TSPO: variants seen among roughly 807,000 people sequenced by gnomAD.
TSPO encodes the protein translocator protein.
In TSPO, 14 loss-of-function variants were observed where a neutral mutation model predicts 13.9. That is an observed-to-expected ratio of 1.01 (90% CI 0.67 to 1.58). The LOEUF is 1.58. Among genes scored for constraint, TSPO ranks in the 40% most tolerant of loss-of-function variants. The probability of loss-of-function intolerance (pLI) is 0.00; values close to 1 mark genes in which losing one functional copy is unlikely to be tolerated. For synonymous variants in TSPO, 114 were observed against 105.9 expected (o/e 1.08, Z -0.47); for missense variants, 232 against 229.6 (o/e 1.01, Z -0.07).
chr22:43,156,915 G>A (rs1343431930), intron 1 of TSPO, among the ~76,000 whole-genome samples: 1 of 152,180 alleles, frequency 6.6e-6, no homozygotes, highest in Non-Finnish European at 1.5e-5. Context: ...GAAAAGGCAC[G>A]TACAGGCACC....
chr22:43,158,201 C>T (rs1025256260), intron 1 of TSPO, among the ~76,000 whole-genome samples: 2 of 152,210 alleles, frequency 1.3e-5, no homozygotes, highest in Admixed American at 1.3e-4. Context: ...TCTCGTGTTC[C>T]CCTGGGACGA....
At chr22:43,154,084 C>T (rs1292144657) in intron 1 of TSPO, among the ~76,000 whole-genome samples, 4 of 152,192 alleles carry the variant, frequency 2.6e-5, no homozygotes, top group African/African-American at 9.7e-5. Flanking sequence ...CCAGGCCACT[C>T]GATGGCCAGG....
At position 43,162,966 on chromosome 22, in the gene TSPO, G is replaced by A. The variant is rs6972; in HGVS notation, c.485G>A (p.Arg162His). ...YCVWRDNHGW[R>H]GGRRLPE ...GTATGGCGGGACAACCATGGCTGGC[G>A]TGGGGGACGGCGGCTGCCAGAGTGA... The change falls in exon 4 of 4, where the codon CGT (arginine) becomes CAT (histidine). Residue 162 changes from arginine to histidine, a missense_variant. Arg to His is a conservative substitution (Grantham distance 29). Coordinates refer to ENST00000337554, the MANE Select transcript of TSPO (RefSeq NM_000714.6). 0.24 allele frequency: 380,744 copies of A among 1,587,552 alleles called. 47,534 individuals are homozygous for A. The highest frequency in any genetic ancestry group is 0.32 in the South Asian group (27,725 of 87,812).
Position 43,160,089 on chromosome 22 carries a change from C to T in TSPO, c.182+669C>T, listed in dbSNP as rs1234678011. Among the ~76,000 whole-genome samples the T allele has an allele frequency of 4.6e-5, 7 of 152,226 alleles. No homozygotes were observed. In the Middle Eastern group the frequency reaches 0.017, roughly 372 times the overall value. ...CGCAGGTGCCAGGCACTCTAGGGGG[C>T]GGATAGCAGAGGCCAGGCCAGGTGC... is the stretch of plus-strand genomic sequence containing the variant. On this transcript the variant is annotated intron_variant, in intron 2 of 3. Coordinates refer to ENST00000337554, the MANE Select transcript of TSPO (RefSeq NM_000714.6).
chr22:43,156,325 G>A (rs978762943), intron 1 of TSPO, among the ~76,000 whole-genome samples: 4 of 152,198 alleles, frequency 2.6e-5, no homozygotes, highest in Admixed American at 6.5e-5. Context: ...GATTTCCTGG[G>A]GACCGAGTGT....
In TSPO at chr22:43,160,724, T is replaced by C. The variant is rs540171463; in HGVS notation, c.183-328T>C. On this transcript the variant is annotated intron_variant, in intron 2 of 3. Transcript: ENST00000337554. ...GGCCCAGGCCAAATGTCCCATCCTC[T>C]ATGCAGTGCCCTGGCTAGGTTAAGA... 2.6e-5 allele frequency among the ~76,000 whole-genome samples: 4 copies of C among 152,344 alleles called. No homozygotes were observed. The East Asian group carries it at 7.7e-4, about 29-fold the overall frequency.
Position 43,162,918 on chromosome 22 carries a change from T to C in TSPO, c.437T>C (p.Phe146Ser). The C allele has an allele frequency of 6.3e-7, 1 of 1,595,200 alleles. No homozygotes were observed. The highest frequency in any genetic ancestry group is 8.5e-7 in the Non-Finnish European group (1 of 1,171,310). Residue 146 changes from phenylalanine to serine, a missense_variant, in exon 4 of 4, where the codon TTC (phenylalanine) becomes TCC (serine). Transcript: ENST00000337554. The stretch of plus-strand genomic sequence containing the variant: ...TACCCCTACCTGGCCTGGCTGGCCT[T>C]CACGACCACACTCAACTACTGCGTA... ...LLYPYLAWLA[F>S]TTTLNYCVWR...
rs1931503439 is a variant in TSPO, at chr22:43,163,020, C to T, written c.*29C>T. 1.3e-6 allele frequency: 2 copies of T among 1,576,044 alleles called. No individual in the cohort carries two copies. The highest frequency in any genetic ancestry group is 2.3e-5 in the East Asian group (1 of 42,694). Reference sequence around the variant, plus strand: ...CCCGGCCCACCAGGGACTGCAGCTGCACCAGCAGGTGCCATCACGCTTGTG... The same window carrying T: ...CCCGGCCCACCAGGGACTGCAGCTGTACCAGCAGGTGCCATCACGCTTGTG... On this transcript the variant is annotated 3_prime_UTR_variant, in exon 4 of 4. Coordinates refer to ENST00000337554, the MANE Select transcript of TSPO (RefSeq NM_000714.6).
chr22:43,154,998 C>T (rs990355413), intron 1 of TSPO, among the ~76,000 whole-genome samples: 7 of 152,034 alleles, frequency 4.6e-5, no homozygotes, highest in South Asian at 4.2e-4. Context: ...CCAATCCTGG[C>T]GCCGCAGGCT....
Position 43,161,196 on chromosome 22 carries a change from T to C in TSPO, c.321+6T>C, listed in dbSNP as rs769743065. On this transcript the variant is annotated splice_donor_region_variant and intron_variant, in intron 3 of 3. Coordinates refer to ENST00000337554, the MANE Select transcript of TSPO (RefSeq NM_000714.6). ...GTGCCCGACAAATGGGCTGGGTAAG[T>C]GTGGCCACAGCATGTGTCCCTGATC... The C allele has an allele frequency of 7.5e-6, 12 of 1,610,668 alleles. No homozygotes were observed. The highest frequency in any genetic ancestry group is 1.0e-5 in the Non-Finnish European group (12 of 1,177,888).
At chr22:43,159,610 T>TG in intron 2 of TSPO, 190 bp downstream of exon 2, 1 of 544,260 alleles carries the variant, frequency 1.8e-6, no homozygotes, top group Non-Finnish European at 3.0e-6. Flanking sequence ...CCTGGGCCCC[T>TG]GGGGGGATGG....
intron 3 of TSPO, among the ~76,000 whole-genome samples, chr22:43,161,472 C>T (rs993000758): frequency 2.0e-5 from 3 of 152,000 alleles, no homozygotes. Flanking sequence ...GGTCACTGGC[C>T]CCTCTACATA....
In TSPO at chr22:43,163,162, GT is replaced by G; in HGVS notation, c.*172del. 1 of 1,446,554 alleles carries G rather than the reference GT, an allele frequency of 6.9e-7. No individual in the cohort carries two copies. Among genetic ancestry groups the G allele is most frequent in the Non-Finnish European group, 9.1e-7 (1 of 1,103,314 alleles). 89.6% of individuals were successfully genotyped at this position (1,446,554 alleles called of 1,614,324 possible). On this transcript the variant is annotated 3_prime_UTR_variant, in exon 4 of 4. Coordinates refer to ENST00000337554, the MANE Select transcript of TSPO (RefSeq NM_000714.6). ...ACCTGAGCCCCCACCCGGGAGCAGT[GT>G]CCTGTGCTTTCTGCATGCTTAGAGC... is the stretch of plus-strand genomic sequence containing the variant.
At position 43,159,219 on chromosome 22, in the gene TSPO, G is replaced by C; in HGVS notation, c.-20G>C. On this transcript the variant is annotated 5_prime_UTR_variant, in exon 2 of 4. Transcript: ENST00000337554. ...CTGTCTTCTCTTTCAGAGCTCCCCT[G>C]AACAGCAGCTGCAGCAGCCATGGCC... is the stretch of plus-strand genomic sequence containing the variant. 6.5e-7 allele frequency: 1 copy of C among 1,529,460 alleles called. No individual in the cohort carries two copies. The highest frequency in any genetic ancestry group is 8.8e-7 in the Non-Finnish European group (1 of 1,135,692). The allele number at this position is 1,529,460 out of a possible 1,614,324, so 94.7% of individuals were successfully genotyped here. A position where few individuals can be genotyped will look rare whatever the true frequency, so the allele number is the denominator to read the frequency against.
intron 3 of TSPO, among the ~76,000 whole-genome samples, chr22:43,161,850 G>A (rs1387050275): frequency 1.3e-5 from 2 of 152,002 alleles, no homozygotes; most frequent in Non-Finnish European, 2.9e-5. Flanking sequence ...ATGAAGACTC[G>A]CTGTGTTGCC....
rs1305068758 is a variant in TSPO at position 43,161,110 on chromosome 22, C to A, written c.241C>A (p.Pro81Thr). The change falls in exon 3 of 4, where the codon CCC (proline) becomes ACC (threonine). Residue 81 changes from proline (P) to threonine (T), a missense_variant. Transcript: ENST00000337554. The part of the protein sequence containing the change: ...LGGFTEKAVV[P>T]LGLYTGQLAL... ...AGGCTTCACAGAGAAGGCTGTGGTT[C>A]CCCTGGGCCTCTACACTGGGCAGCT... 3 of 1,614,028 alleles carry A rather than the reference C, an allele frequency of 1.9e-6. No individual in the cohort carries two copies. In the Admixed American group the frequency reaches 5.0e-5, roughly 27 times the overall value.
chr22:43,157,252 C>T (rs945708256), intron 1 of TSPO, among the ~76,000 whole-genome samples: 2 of 125,426 alleles, frequency 1.6e-5, no homozygotes, highest in South Asian at 2.8e-4. Context: ...CCCATGAGCA[C>T]GTGTACCCTG....
At chr22:43,159,919 A>T (rs946464687) in intron 2 of TSPO, among the ~76,000 whole-genome samples, 1 of 152,102 alleles carries the variant, frequency 6.6e-6, no homozygotes, top group East Asian at 1.9e-4. Context: ...GACCAGGGGA[A>T]TTCCACCCGG....
At chr22:43,161,330 C>T (rs1233773382) in intron 3 of TSPO, 140 bp downstream of exon 3, 5 of 1,267,016 alleles carry the variant, frequency 3.9e-6, no homozygotes, top group Non-Finnish European at 5.3e-6. Flanking sequence ...CTGTAAGCAG[C>T]CCACACCCTG....
Sources: allele counts gnomAD v4.1 joint callset (sites outside exome capture counted in the v4.1 genomes callset), GRCh38; gene constraint gnomAD v4.1.1; transcripts MANE v1.5; gene names NCBI Gene and HGNC (gene_info 2026-07-23, HGNC 2026-07-21).